Variants in LYZL6 observed in about 807,000 individuals in gnomAD.
The protein encoded by LYZL6 is lysozyme-like protein 6.
A neutral mutation model predicts 15.0 loss-of-function variants in LYZL6; 21 were observed. The ratio of observed to expected loss-of-function variants is 1.40; its 90% CI spans 1.00 to 2.02. The LOEUF is 2.02. Ranked by LOEUF, LYZL6 falls within the 30% of genes most tolerant of loss-of-function variation. The pLI, the probability that LYZL6 is intolerant of heterozygous loss-of-function variation, is 0.00. For missense variants in LYZL6, 173 were observed against 180.5 expected, an observed-to-expected ratio of 0.96 and a Z score of 0.24; for synonymous variants, 72 against 67.8, an observed-to-expected ratio of 1.06 and a Z score of -0.31.
In LYZL6 at chr17:35,939,220, T is replaced by G; in HGVS notation, c.137A>C (p.Asp46Ala). The change falls in exon 2 of 5, where the codon GAC becomes GCC. Residue 46 changes from aspartate to alanine, a missense_variant and splice_region_variant. Physicochemically the swap from Asp to Ala is moderately radical, Grantham distance 126 (BLOSUM62 -2). Transcript: ENST00000615905. ...GGGGAGGGGCGGATGGTACTCACAG[T>G]CACTCAGGGAGTAACCCTCAAACCC... ...LDGFEGYSLS[D>A]WLCLAFVESK... 6.2e-7 allele frequency: 1 copy of G among 1,613,370 alleles called. No individual in the cohort carries two copies. Among genetic ancestry groups the G allele is most frequent in the Non-Finnish European group, 8.5e-7 (1 of 1,179,500 alleles).
rs950973982 is a variant in LYZL6, at chr17:35,935,147, A to G, written c.378-282T>C. ...TTTACAGGGCTGAGAGTTACTTATT[A>G]AAAAAAAAAAAAAAGTCCCAGGTAC... On this transcript the variant is annotated intron_variant, in intron 4 of 4. Transcript: ENST00000615905. 1.0e-3 allele frequency among the ~76,000 whole-genome samples: 85 copies of G among 81,246 alleles called. 1 individual carries two copies. The highest frequency in any genetic ancestry group is 2.7e-3 in the East Asian group (8 of 2,962). The allele number at this position is 81,246 out of a possible 152,430, so 53.3% of individuals were successfully genotyped here. A position where few individuals can be genotyped will look rare whatever the true frequency, so the allele number is the denominator to read the frequency against.
Position 35,939,389 on chromosome 17 carries a change from A to G in LYZL6, c.-33T>C, listed in dbSNP as rs1242881603. ...GGGGAGGAGGTGCAGCTGAGGGCTG[A>G]TGGTTCTTAGGGTCTTGCAGACTTT... On this transcript the variant is annotated 5_prime_UTR_variant, in exon 2 of 5. Coordinates refer to ENST00000615905, the MANE Select transcript of LYZL6 (RefSeq NM_020426.4). 6.2e-7 allele frequency: 1 copy of G among 1,610,094 alleles called. No individual in the cohort carries two copies. The highest frequency in any genetic ancestry group is 1.7e-5 in the Admixed American group (1 of 59,872).
chr17:35,939,241 A>G lies in LYZL6; in HGVS notation c.116T>C (p.Phe39Ser). ...ACAGTCACTCAGGGAGTAACCCTCA[A>G]ACCCATCCAAGTCCTCCAGCTGCAG... ...QVLQLEDLDG[F>S]EGYSLSDWLC... Residue 39 changes from phenylalanine (F) to serine (S), a missense_variant, in exon 2 of 5, where the codon TTT becomes TCT. Physicochemically the swap from Phe to Ser is radical, Grantham distance 155. Transcript: ENST00000615905. The G allele has an allele frequency of 1.2e-6, 2 of 1,614,060 alleles. No individual in the cohort carries two copies. Among genetic ancestry groups the G allele is most frequent in the East Asian group, 2.2e-5 (1 of 44,900 alleles).
intron 4 of LYZL6, among the ~76,000 whole-genome samples, chr17:35,936,078 G>T (rs1390156086): frequency 6.6e-6 from 1 of 152,126 alleles, no homozygotes; most frequent in Non-Finnish European, 1.5e-5. Context: ...GCCTCCCAAG[G>T]TGCTGGGATT....
chr17:35,935,019 C>T (rs777797459), intron 4 of LYZL6, among the ~76,000 whole-genome samples, 154 bp from the exon 5 acceptor site: 1 of 152,272 alleles, frequency 6.6e-6, no homozygotes, highest in African/African-American at 2.4e-5. Flanking sequence ...TCCCCTCTGA[C>T]GAATCCTGTA....
Position 35,936,812 on chromosome 17 carries a change from A to G in LYZL6, c.320T>C (p.Leu107Pro). 6.2e-7 allele frequency: 1 copy of G among 1,613,862 alleles called. No individual in the cohort carries two copies. Among genetic ancestry groups the G allele is most frequent in the Non-Finnish European group, 8.5e-7 (1 of 1,180,006 alleles). The change falls in exon 4 of 5, where the codon CTT becomes CCT. Residue 107 changes from leucine to proline, a missense_variant. Coordinates refer to ENST00000615905, the MANE Select transcript of LYZL6 (RefSeq NM_020426.4). ...DCQDLLNPNL[L>P]AGIHCAKRIV... ...CCTTTTTGCGCAGTGGATGCCTGCA[A>G]GAAGGTTGGGATTCAGCAGATCTGA...
intron 3 of LYZL6, 113 bp downstream of exon 3, chr17:35,937,644 AT>A: frequency 1.6e-6 from 2 of 1,215,394 alleles, no homozygotes; most frequent in Admixed American, 4.8e-5. Flanking sequence ...GGATTCCCTG[AT>A]TTTTTGAACC....
At chr17:35,938,341 C>T (rs1376333446) in intron 2 of LYZL6, among the ~76,000 whole-genome samples, 2 of 152,070 alleles carry the variant, frequency 1.3e-5, no homozygotes, top group Non-Finnish European at 2.9e-5. Flanking sequence ...ATATGTATGC[C>T]GGGCGCGGTG....
At chr17:35,937,697 G>C in intron 3 of LYZL6, 61 bp downstream of exon 3, 1 of 1,553,014 alleles carries the variant, frequency 6.4e-7, no homozygotes, top group South Asian at 1.2e-5. Flanking sequence ...GGGAAGAGAA[G>C]TTCTGTGAGC....
At position 35,934,824 on chromosome 17, in the gene LYZL6, T is replaced by C. The variant is rs985139063; in HGVS notation, c.419A>G (p.Tyr140Cys). ...TCTCAGGCGGCATCCTGTCAGCCAG[T>C]AGAAGAGTGGCCGGCCTGAACAGTG... ...RLHCSGRPLF[Y>C]WLTGCRLR The change falls in exon 5 of 5, where the codon TAC (tyrosine) becomes TGC (cysteine). Residue 140 changes from tyrosine (Y) to cysteine (C), a missense_variant. Physicochemically the swap from Tyr to Cys is radical, Grantham distance 194. Coordinates refer to ENST00000615905, the MANE Select transcript of LYZL6 (RefSeq NM_020426.4). 4.3e-6 allele frequency: 7 copies of C among 1,614,190 alleles called. No individual in the cohort carries two copies. The Admixed American group carries it at 1.0e-4, about 23-fold the overall frequency.
In LYZL6 at chr17:35,939,243, C is replaced by T. The variant is rs2089404596; in HGVS notation, c.114G>A (p.Gly38=). Residue 38 remains glycine (G), a synonymous_variant, in exon 2 of 5, where the codon GGG becomes GGA. Transcript: ENST00000615905. ...AGTCACTCAGGGAGTAACCCTCAAA[C>T]CCATCCAAGTCCTCCAGCTGCAGCA... ...AQVLQLEDLD[G]FEGYSLSDWL... is the part of the protein sequence containing the mutation. 1 of 1,614,120 alleles carries T rather than the reference C, an allele frequency of 6.2e-7. No homozygotes were observed. The highest frequency in any genetic ancestry group is 1.3e-5 in the African/African-American group (1 of 75,032).
chr17:35,941,875 A>G (rs1361589023), intron 1 of LYZL6, among the ~76,000 whole-genome samples: 1 of 152,228 alleles, frequency 6.6e-6, no homozygotes, highest in East Asian at 1.9e-4. Context: ...TCATGATCTT[A>G]TAGGGTCTCC....
At chr17:35,936,692 T>C in intron 4 of LYZL6, 63 bp downstream of exon 4, 1 of 1,473,116 alleles carries the variant, frequency 6.8e-7, no homozygotes, top group Non-Finnish European at 9.4e-7. Flanking sequence ...CCTACTGCCC[T>C]TTTCTCTGTC....
intron 1 of LYZL6, among the ~76,000 whole-genome samples, chr17:35,939,795 G>A (rs898412308): frequency 2.6e-5 from 4 of 152,150 alleles, no homozygotes; most frequent in Non-Finnish European, 5.9e-5. Context: ...ACCACACCTG[G>A]CCAATCTCAT....
In LYZL6 at chr17:35,935,002, T is replaced by A. The variant is rs1258553870; in HGVS notation, c.378-137A>T. Reference sequence around the variant, plus strand: ...TGCTAGCTAGCCCTCTGGTCTGTCCTCCACTGTCCCCTCTGACGAATCCTG... The same window carrying A: ...TGCTAGCTAGCCCTCTGGTCTGTCCACCACTGTCCCCTCTGACGAATCCTG... On this transcript the variant is annotated intron_variant, in intron 4 of 4. Coordinates refer to ENST00000615905, the MANE Select transcript of LYZL6 (RefSeq NM_020426.4). 8.5e-6 allele frequency: 6 copies of A among 705,430 alleles called. No homozygotes were observed. In the African/African-American group the frequency reaches 1.1e-4, roughly 13 times the overall value. The allele number at this position is 705,430 out of a possible 1,614,324, so 43.7% of individuals were successfully genotyped here.
At chr17:35,937,287 A>T (rs1330703738) in intron 3 of LYZL6, among the ~76,000 whole-genome samples, 6 of 152,154 alleles carry the variant, frequency 3.9e-5, no homozygotes, top group Admixed American at 3.9e-4. Flanking sequence ...GGGAGTTTGC[A>T]CTTGGTCTTT....
chr17:35,936,875 A>G, intron 3 of LYZL6, 42 bp from the exon 4 acceptor site: 2 of 1,563,442 alleles, frequency 1.3e-6, no homozygotes, highest in South Asian at 1.1e-5. Context: ...CACAGAAGAC[A>G]GCCCCAAAGA....
chr17:35,941,069 C>T lies in LYZL6; in HGVS notation c.-202-1511G>A, dbSNP rs375026516. Among the ~76,000 whole-genome samples, 17 of 152,270 alleles carry T rather than the reference C, an allele frequency of 1.1e-4. No homozygotes were observed. The East Asian group carries it at 2.9e-3, about 26-fold the overall frequency. On this transcript the variant is annotated intron_variant, in intron 1 of 4. Coordinates refer to ENST00000615905, the MANE Select transcript of LYZL6 (RefSeq NM_020426.4). ...TAACCCTAGGCTTAAGCTTATGAGG[C>T]CTACCAGATTTCCAAAGTGGCTGCA...
At position 35,934,884 on chromosome 17, in the gene LYZL6, T is replaced by C. The variant is rs2089357156; in HGVS notation, c.378-19A>G. 4 of 1,613,492 alleles carry C rather than the reference T, an allele frequency of 2.5e-6. No homozygotes were observed. In the African/African-American group the frequency reaches 5.3e-5, roughly 22 times the overall value. On this transcript the variant is annotated intron_variant, in intron 4 of 4. Coordinates refer to ENST00000615905, the MANE Select transcript of LYZL6 (RefSeq NM_020426.4). ...TTCTACCCTGCGGAGAAAAAAGACATGGTTCTTGCCTCACACTCAGTAACT... is the reference window on the plus strand; with the variant it reads ...TTCTACCCTGCGGAGAAAAAAGACACGGTTCTTGCCTCACACTCAGTAACT...
Sources: allele counts gnomAD v4.1 joint callset (sites outside exome capture counted in the v4.1 genomes callset), GRCh38; gene constraint gnomAD v4.1.1; transcripts MANE v1.5; gene names NCBI Gene and HGNC (gene_info 2026-07-23, HGNC 2026-07-21).